The following PIP5K1B variants were observed in gnomAD, a reference collection of about 807,000 sequenced individuals.
The protein encoded by PIP5K1B is phosphatidylinositol 4-phosphate 5-kinase type-1 beta.
Under a neutral mutation model 67.0 loss-of-function variants are expected in PIP5K1B, and 42 were observed. The ratio of observed to expected loss-of-function variants is 0.63; its 90% CI spans 0.49 to 0.81. The LOEUF is 0.81. Ranked by LOEUF, PIP5K1B falls within the 30% of genes least tolerant of loss-of-function variation. The pLI, the probability that PIP5K1B is intolerant of heterozygous loss-of-function variation, is 0.00. For synonymous variants in PIP5K1B, 214 were observed against 231.4 expected (o/e 0.92, Z 0.68); for missense variants, 459 against 646.3 (o/e 0.71, Z 3.14).
chr9:68,722,943 C>T (rs1386594870), intron 1 of PIP5K1B, among the ~76,000 whole-genome samples: 3 of 152,178 alleles, frequency 2.0e-5, no homozygotes, highest in Non-Finnish European at 2.9e-5. Context: ...TTCTCTTCAT[C>T]CCCTCGTCTC....
At chr9:68,980,305 G>A (rs926056067) in intron 14 of PIP5K1B, among the ~76,000 whole-genome samples, 1 of 152,254 alleles carries the variant, frequency 6.6e-6, no homozygotes, top group Non-Finnish European at 1.5e-5. Flanking sequence ...CTTAAGCAGA[G>A]TGTGGCTCTG....
chr9:68,909,684 G>A (rs895805143), intron 8 of PIP5K1B, among the ~76,000 whole-genome samples: 6 of 152,124 alleles, frequency 3.9e-5, no homozygotes, highest in Non-Finnish European at 8.8e-5. Flanking sequence ...TCTCTTGTGC[G>A]TTTTTTCTGT....
chr9:68,812,957 CA>C (rs1833248759), intron 2 of PIP5K1B, among the ~76,000 whole-genome samples: 1 of 152,178 alleles, frequency 6.6e-6, no homozygotes, highest in South Asian at 2.1e-4. Context: ...GGTTTCCAGA[CA>C]GAGAAAACCA....
intron 4 of PIP5K1B, among the ~76,000 whole-genome samples, chr9:68,843,720 G>A (rs548218480): frequency 6.6e-6 from 1 of 152,272 alleles, no homozygotes; most frequent in Non-Finnish European, 1.5e-5. Context: ...CTCCTGTTGG[G>A]AAAACCTATT....
At chr9:68,838,504 T>C (rs893431688) in intron 4 of PIP5K1B, among the ~76,000 whole-genome samples, 2 of 152,248 alleles carry the variant, frequency 1.3e-5, no homozygotes, top group African/African-American at 4.8e-5. Context: ...TCCATTAGTA[T>C]ACTGTTGTCT....
intron 2 of PIP5K1B, chr9:68,788,968 C>A: frequency 3.0e-6 from 1 of 331,136 alleles, no homozygotes. Context: ...AGGATGGAAG[C>A]TGATATCATC....
At chr9:68,845,042 A>G (rs1822116515) in intron 4 of PIP5K1B, among the ~76,000 whole-genome samples, 1 of 152,244 alleles carries the variant, frequency 6.6e-6, no homozygotes, top group African/African-American at 2.4e-5. Context: ...TGAAAAATAA[A>G]TGAAATCAGA....
intron 4 of PIP5K1B, among the ~76,000 whole-genome samples, chr9:68,861,909 T>G (rs180715311): frequency 3.3e-5 from 5 of 151,964 alleles, no homozygotes; most frequent in East Asian, 1.9e-4. Context: ...TTTGTTTTTT[T>G]TTTTTAAGAA....
chr9:68,774,420 G>A (rs779591055), intron 2 of PIP5K1B, among the ~76,000 whole-genome samples: 2 of 152,148 alleles, frequency 1.3e-5, no homozygotes, highest in Non-Finnish European at 2.9e-5. Flanking sequence ...TTTCTGGTTA[G>A]TGTTTGAATA....
At chr9:68,751,588 G>C (rs1327699124) in intron 2 of PIP5K1B, among the ~76,000 whole-genome samples, 1 of 152,218 alleles carries the variant, frequency 6.6e-6, no homozygotes, top group East Asian at 1.9e-4. Flanking sequence ...GATGACTCCA[G>C]AGATTGACTT....
intron 2 of PIP5K1B, among the ~76,000 whole-genome samples, chr9:68,811,623 T>C (rs1035718233): frequency 2.0e-5 from 3 of 152,226 alleles, no homozygotes. Context: ...TTTTGAGGTC[T>C]GTTAACACCA....
intron 8 of PIP5K1B, among the ~76,000 whole-genome samples, chr9:68,905,421 A>G (rs1419736211): frequency 6.7e-6 from 1 of 149,604 alleles, no homozygotes; most frequent in Non-Finnish European, 1.5e-5. Context: ...AGAGTTGCCA[A>G]CAGCCAATCC....
At chr9:68,892,728 A>T (rs189246678) in intron 7 of PIP5K1B, among the ~76,000 whole-genome samples, 2 of 152,234 alleles carry the variant, frequency 1.3e-5, no homozygotes, top group Non-Finnish European at 2.9e-5. Context: ...AAGCAAACAC[A>T]CACACACACA....
chr9:68,940,312 T>TCTGCCA (rs1827494261), intron 13 of PIP5K1B, among the ~76,000 whole-genome samples: 1 of 152,220 alleles, frequency 6.6e-6, no homozygotes, highest in African/African-American at 2.4e-5. Flanking sequence ...CCTTTTAATC[T>TCTGCCA]CTGCCAAATT....
At chr9:68,994,037 A>ATT (rs67700788) in intron 15 of PIP5K1B, among the ~76,000 whole-genome samples, 13,317 of 118,542 alleles carry the variant, frequency 0.11, 1,141 homozygotes, top group East Asian at 0.33. Flanking sequence ...TTTTTCCTGA[A>ATT]TTTTTTTTTT....
chr9:68,966,842 G>A (rs910981877), intron 14 of PIP5K1B: 2 of 152,120 alleles, frequency 1.3e-5, no homozygotes, highest in East Asian at 1.9e-4. Flanking sequence ...AAATGTTGGG[G>A]GATTGTGTTC....
At chr9:68,841,948 C>T (rs980275256) in intron 4 of PIP5K1B, among the ~76,000 whole-genome samples, 1 of 152,232 alleles carries the variant, frequency 6.6e-6, no homozygotes, top group East Asian at 1.9e-4. Context: ...CCTTAAGTCC[C>T]TTGTCCAAGA....
chr9:68,991,576 T>A (rs1830366605), intron 15 of PIP5K1B, among the ~76,000 whole-genome samples: 1 of 152,240 alleles, frequency 6.6e-6, no homozygotes, highest in African/African-American at 2.4e-5. Context: ...CCGTGCTCCC[T>A]GATGTTTGAA....
In PIP5K1B at chr9:68,978,282, C is replaced by G. The variant is rs1224234822; in HGVS notation, c.1503-12858C>G. On this transcript the variant is annotated intron_variant, in intron 14 of 15. Coordinates refer to ENST00000265382, the MANE Select transcript of PIP5K1B (RefSeq NM_003558.4). ...CATTTTGGCCAACACCTCCTCACTTCCTCTTCTTTCCACCAGTAACTATCA... is the reference window on the plus strand; with the variant it reads ...CATTTTGGCCAACACCTCCTCACTTGCTCTTCTTTCCACCAGTAACTATCA... Among the ~76,000 whole-genome samples, 4 of 152,224 alleles carry G rather than the reference C, an allele frequency of 2.6e-5. No individual in the cohort carries two copies. The East Asian group carries it at 7.7e-4, about 29-fold the overall frequency.
Sources: allele counts gnomAD v4.1 joint callset (sites outside exome capture counted in the v4.1 genomes callset), GRCh38; gene constraint gnomAD v4.1.1; transcripts MANE v1.5; gene names NCBI Gene and HGNC (gene_info 2026-07-23, HGNC 2026-07-21).